The following ZNF613 variants were observed in gnomAD, a reference collection of about 807,000 sequenced individuals.
The protein encoded by ZNF613 is zinc finger protein 613.
A neutral mutation model predicts 14.3 loss-of-function variants in ZNF613; 8 were observed. That is an observed-to-expected ratio of 0.56 (90% CI 0.33 to 1.01). The LOEUF (loss-of-function observed/expected upper bound fraction) is 1.01. Among genes scored for constraint, ZNF613 ranks in the 50% least tolerant of loss-of-function variants. The pLI is 0.03. For synonymous variants in ZNF613, 228 were observed against 254.5 expected (o/e 0.90, Z 0.99); for missense variants, 656 against 741.9 (o/e 0.88, Z 1.35).
intron 5 of ZNF613, 106 bp from the exon 6 acceptor site, chr19:51,944,013 A>T (rs1352589966): frequency 2.4e-6 from 2 of 840,454 alleles, no homozygotes; most frequent in African/African-American, 1.8e-5. Context: ...GGAGTTTTTT[A>T]AACAGTGGAA....
rs11882411 is a variant in ZNF613 at position 51,940,858 on chromosome 19, G to C, written c.235+149G>C. 2,350 of 439,204 alleles carry C rather than the reference G, an allele frequency of 5.4e-3. 51 individuals are homozygous for C. The highest frequency in any genetic ancestry group is 0.045 in the African/African-American group (2,182 of 49,030). The allele number at this position is 439,204 out of a possible 1,614,324, so 27.2% of individuals were successfully genotyped here. A position where few individuals can be genotyped will look rare whatever the true frequency, so the allele number is the denominator to read the frequency against. ...CCCACACAAAAGCTCTTTCTCCTTC[G>C]GGTATTTAGAGGAACATCTGCTTCG... On this transcript the variant is annotated intron_variant, in intron 5 of 5. Coordinates refer to ENST00000293471, the MANE Select transcript of ZNF613 (RefSeq NM_001031721.4).
chr19:51,932,651 A>T (rs533285117), intron 2 of ZNF613, among the ~76,000 whole-genome samples: 1 of 151,836 alleles, frequency 6.6e-6, no homozygotes, highest in African/African-American at 2.4e-5. Flanking sequence ...AAATGAAATC[A>T]TATAACGTGA....
At chr19:51,930,708 C>T (rs1328714308) in intron 2 of ZNF613, among the ~76,000 whole-genome samples, 1 of 151,930 alleles carries the variant, frequency 6.6e-6, no homozygotes, top group Non-Finnish European at 1.5e-5. Flanking sequence ...GGGTTATTTC[C>T]CCTTTTTGGC....
In ZNF613 at chr19:51,941,423, C is replaced by T. The variant is rs1288877709; in HGVS notation, c.235+714C>T. On this transcript the variant is annotated intron_variant, in intron 5 of 5. Coordinates refer to ENST00000293471, the MANE Select transcript of ZNF613 (RefSeq NM_001031721.4). ...TGGTCTTGGATATCAGCACTCTCTC[C>T]TGACCACTATACCTTTCTGCCCCTT... Among the ~76,000 whole-genome samples, 6 of 152,146 alleles carry T rather than the reference C, an allele frequency of 3.9e-5. No homozygotes were observed. In the South Asian group the frequency reaches 1.0e-3, roughly 26 times the overall value.
chr19:51,934,502 T>TAAA, intron 2 of ZNF613, among the ~76,000 whole-genome samples: 1 of 152,152 alleles, frequency 6.6e-6, no homozygotes, highest in Non-Finnish European at 1.5e-5. Context: ...TAATACATAG[T>TAAA]CTTATTTTAT....
intron 3 of ZNF613, among the ~76,000 whole-genome samples, chr19:51,938,630 G>C (rs6509598): frequency 0.34 from 51,599 of 151,012 alleles, 11,462 homozygotes; most frequent in African/African-American, 0.63. Flanking sequence ...ATCCCCCTGT[G>C]TAAGATTGTG....
Position 51,944,197 on chromosome 19 carries a change from A to T in ZNF613, c.314A>T (p.Lys105Ile). 1.9e-6 allele frequency: 3 copies of T among 1,604,382 alleles called. No homozygotes were observed. Among genetic ancestry groups the T allele is most frequent in the Middle Eastern group, 3.3e-4 (2 of 6,010 alleles). The change falls in exon 6 of 6, where the codon AAA becomes ATA. Residue 105 changes from lysine (K) to isoleucine (I), a missense_variant. By Grantham distance (102) the Lys-to-Ile change is moderately radical. Transcript: ENST00000293471. ...RCLKRVEQCH[K>I]HNAFGNIIHQ... The stretch of plus-strand genomic sequence containing the variant: ...CTGAAGAGAGTGGAACAATGCCATA[A>T]ACATAATGCATTTGGAAACATCATT...
intron 5 of ZNF613, among the ~76,000 whole-genome samples, chr19:51,942,488 G>A (rs2085357473): frequency 6.6e-6 from 1 of 152,118 alleles, no homozygotes; most frequent in Admixed American, 6.5e-5. Context: ...CGTCCCCCTG[G>A]TGAATTACCT....
chr19:51,945,841 C>A lies in ZNF613; in HGVS notation c.*104C>A. ...AAACTGATATATTCAAGGTGGAAAG[C>A]CCTTGAATAAAACCTTATGGCTAAT... On this transcript the variant is annotated 3_prime_UTR_variant, in exon 6 of 6. Transcript: ENST00000293471. 1 of 1,306,046 alleles carries A rather than the reference C, an allele frequency of 7.7e-7. No homozygotes were observed. The highest frequency in any genetic ancestry group is 1.1e-6 in the Non-Finnish European group (1 of 938,724). 80.9% of individuals were successfully genotyped at this position (1,306,046 alleles called of 1,614,324 possible). A position where few individuals can be genotyped will look rare whatever the true frequency, so the allele number is the denominator to read the frequency against.
At position 51,940,517 on chromosome 19, in the gene ZNF613, C is replaced by T. The variant is rs1303950083; in HGVS notation, c.143-100C>T. 4.7e-6 allele frequency: 7 copies of T among 1,483,172 alleles called. No individual in the cohort carries two copies. The African/African-American group carries it at 9.9e-5, about 21-fold the overall frequency. 91.9% of individuals were successfully genotyped at this position (1,483,172 alleles called of 1,614,324 possible). The stretch of plus-strand genomic sequence containing the variant: ...AGGGAAAATCCCTTTGCTTTGCAGA[C>T]ACATAAATTACATAGTTCCTAAAAC... On this transcript the variant is annotated intron_variant, in intron 4 of 5. Transcript: ENST00000293471.
intron 3 of ZNF613, among the ~76,000 whole-genome samples, chr19:51,938,691 T>C (rs1278880889): frequency 1.4e-5 from 2 of 147,272 alleles, no homozygotes; most frequent in Non-Finnish European, 3.0e-5. Context: ...CATCCTTTAA[T>C]ACGTTAAAAA....
intron 1 of ZNF613, among the ~76,000 whole-genome samples, chr19:51,928,408 G>A (rs1028978931): frequency 3.9e-5 from 6 of 152,158 alleles, no homozygotes; most frequent in African/African-American, 1.4e-4. Flanking sequence ...ATCCTGATTG[G>A]TGTGTGTGTT....
rs1426381767 is a variant in ZNF613 at position 51,944,457 on chromosome 19, A to G, written c.574A>G (p.Ile192Val). The G allele has an allele frequency of 1.2e-6, 2 of 1,603,984 alleles. No homozygotes were observed. The highest frequency in any genetic ancestry group is 2.2e-5 in the South Asian group (2 of 90,208). ...GNSVNTNSQF[I>V]KHQRTQNIDK... ...TTCTGTGAATACAAATTCACAATTCATTAAGCATCAGCGAACTCAAAACAT... is the reference window on the plus strand; with the variant it reads ...TTCTGTGAATACAAATTCACAATTCGTTAAGCATCAGCGAACTCAAAACAT... Residue 192 changes from isoleucine to valine, a missense_variant, in exon 6 of 6, where the codon ATT becomes GTT. Transcript: ENST00000293471.
Position 51,945,219 on chromosome 19 carries a change from C to T in ZNF613, c.1336C>T (p.His446Tyr). 1 of 1,614,154 alleles carries T rather than the reference C, an allele frequency of 6.2e-7. No individual in the cohort carries two copies. Among genetic ancestry groups the T allele is most frequent in the Non-Finnish European group, 8.5e-7 (1 of 1,180,018 alleles). ...GFSQKTCLIS[H>Y]QRFHTGKTPF... is the part of the protein sequence containing the mutation. ...CAGCCAGAAGACATGTTTAATATCC[C>T]ATCAGAGATTTCACACAGGAAAGAC... The change falls in exon 6 of 6, where the codon CAT (histidine) becomes TAT (tyrosine). Residue 446 changes from histidine to tyrosine, a missense_variant. His to Tyr is a moderately conservative substitution (Grantham distance 83). Coordinates refer to ENST00000293471, the MANE Select transcript of ZNF613 (RefSeq NM_001031721.4).
Position 51,946,122 on chromosome 19 carries a change from T to G in ZNF613, c.*385T>G, listed in dbSNP as rs2085399981. 5.4e-6 allele frequency: 1 copy of G among 185,640 alleles called. No individual in the cohort carries two copies. Among genetic ancestry groups the G allele is most frequent in the African/African-American group, 2.4e-5 (1 of 42,164 alleles). The allele number at this position is 185,640 out of a possible 1,614,324, so 11.5% of individuals were successfully genotyped here. A position where few individuals can be genotyped will look rare whatever the true frequency, so the allele number is the denominator to read the frequency against. On this transcript the variant is annotated 3_prime_UTR_variant, in exon 6 of 6. Transcript: ENST00000293471. ...GGGTTGCTAGTGGTACATTCTGCCT[T>G]ATCCTCAGAGGGAATCATATAGAAA...
Position 51,945,860 on chromosome 19 carries a change from G to A in ZNF613, c.*123G>A. The A allele has an allele frequency of 9.4e-7, 1 of 1,064,866 alleles. No individual in the cohort carries two copies. The highest frequency in any genetic ancestry group is 1.4e-6 in the Non-Finnish European group (1 of 737,288). 66.0% of individuals were successfully genotyped at this position (1,064,866 alleles called of 1,614,324 possible). On this transcript the variant is annotated 3_prime_UTR_variant, in exon 6 of 6. Transcript: ENST00000293471. ...GGAAAGCCCTTGAATAAAACCTTAT[G>A]GCTAATAAGCATATACTCAGAGAAA...
chr19:51,934,702 G>C (rs577794045), intron 2 of ZNF613, among the ~76,000 whole-genome samples: 2 of 152,120 alleles, frequency 1.3e-5, no homozygotes, highest in African/African-American at 4.8e-5. Context: ...GCAAACAGGC[G>C]TGATTACATT....
chr19:51,939,922 G>A (rs927286639), intron 3 of ZNF613, among the ~76,000 whole-genome samples: 1 of 146,858 alleles, frequency 6.8e-6, no homozygotes, highest in Non-Finnish European at 1.5e-5. Context: ...AAAAAAAAAA[G>A]AGGATTAGCA....
intron 5 of ZNF613, among the ~76,000 whole-genome samples, chr19:51,943,024 GATGAGGAAAC>G (rs2085363472): frequency 6.6e-6 from 1 of 152,190 alleles, no homozygotes; most frequent in Non-Finnish European, 1.5e-5. Flanking sequence ...AAAATTATGA[GATGAGGAAAC>G]ATGAGGGAGT....
Sources: gnomAD v4.1 joint callset for allele counts (sites outside exome capture counted in the v4.1 genomes callset) on GRCh38, gnomAD v4.1.1 for gene constraint, MANE v1.5 for transcripts, NCBI Gene and HGNC (gene_info 2026-07-23, HGNC 2026-07-21) for gene names.